CMIP: variants seen among roughly 807,000 people sequenced by gnomAD.
CMIP encodes c-Maf inducing protein.
CMIP carries 13 observed loss-of-function variants against 97.3 expected under a neutral mutation model. The ratio of observed to expected loss-of-function variants is 0.13; its 90% CI spans 0.09 to 0.21. The LOEUF is 0.21. CMIP is among the 10% of genes least tolerant of loss of function. The pLI, the probability that CMIP is intolerant of heterozygous loss-of-function variation, is 1.00. For missense variants in CMIP, 847 were observed against 1,024.9 expected, an observed-to-expected ratio of 0.83 and a Z score of 2.37; for synonymous variants, 538 against 436.3, an observed-to-expected ratio of 1.23 and a Z score of -2.91.
intron 1 of CMIP, among the ~76,000 whole-genome samples, chr16:81,457,956 C>T (rs747114871): frequency 2.0e-5 from 3 of 152,256 alleles, no homozygotes; most frequent in African/African-American, 2.4e-5. Context: ...ACCTCCCCCT[C>T]GCTGTCCCTG....
At chr16:81,519,618 C>G (rs977348799) in intron 1 of CMIP, 1 of 152,256 alleles carries the variant, frequency 6.6e-6, no homozygotes, top group African/African-American at 2.4e-5. Flanking sequence ...CTTGGCCAAC[C>G]ATTTAACCTC....
intron 1 of CMIP, chr16:81,476,006 A>G (rs1907890068): frequency 3.3e-6 from 2 of 599,194 alleles, no homozygotes; most frequent in Admixed American, 2.3e-5. Context: ...AAAAAAAGAT[A>G]AAACATAAGT....
Position 81,463,297 on chromosome 16 carries a change from G to T in CMIP, c.300+17756G>T, listed in dbSNP as rs12599890. 0.021 allele frequency among the ~76,000 whole-genome samples: 3,230 copies of T among 152,248 alleles called. 207 individuals carry two copies. The East Asian group carries it at 0.28, about 13-fold the overall frequency. On this transcript the variant is annotated intron_variant, in intron 1 of 20. Transcript: ENST00000537098. The stretch of plus-strand genomic sequence containing the variant: ...CTTTAGCCACACCCTAGAGCAAAAC[G>T]TCACTTAAATGACTAGAGAGGGACA...
At chr16:81,677,392 A>G (rs1034887208) in intron 9 of CMIP, among the ~76,000 whole-genome samples, 6 of 152,138 alleles carry the variant, frequency 3.9e-5, no homozygotes, top group African/African-American at 1.4e-4. Flanking sequence ...ATCACTGTTC[A>G]GTGATGTGTT....
chr16:81,470,960 ACACACATG>A (rs1339526058), intron 1 of CMIP, among the ~76,000 whole-genome samples: 1 of 152,252 alleles, frequency 6.6e-6, no homozygotes, highest in Non-Finnish European at 1.5e-5. Flanking sequence ...ACATATGCAT[ACACACATG>A]CACACAGGCA....
At chr16:81,599,370 A>G (rs960372205) in intron 1 of CMIP, among the ~76,000 whole-genome samples, 1 of 152,196 alleles carries the variant, frequency 6.6e-6, no homozygotes, top group Admixed American at 6.5e-5. Flanking sequence ...CGTTTGCTGT[A>G]TGACTTTCCG....
At chr16:81,466,072 T>C (rs1479756706) in intron 1 of CMIP, among the ~76,000 whole-genome samples, 4 of 152,162 alleles carry the variant, frequency 2.6e-5, no homozygotes, top group Non-Finnish European at 4.4e-5. Flanking sequence ...TTTTGTCTTA[T>C]TTTTTTGAGG....
chr16:81,650,304 A>C (rs961511602), intron 3 of CMIP, among the ~76,000 whole-genome samples: 2 of 152,190 alleles, frequency 1.3e-5, no homozygotes, highest in African/African-American at 4.8e-5. Flanking sequence ...GCCTATGAGA[A>C]GAGCTGATCT....
chr16:81,448,595 G>GCTTGC (rs1228894595), intron 1 of CMIP, among the ~76,000 whole-genome samples: 2 of 152,262 alleles, frequency 1.3e-5, no homozygotes, highest in African/African-American at 2.4e-5. Context: ...TCAGGTCGCA[G>GCTTGC]CTTGCCCTGC....
At chr16:81,500,026 T>C (rs768966835) in intron 1 of CMIP, among the ~76,000 whole-genome samples, 16 of 152,216 alleles carry the variant, frequency 1.1e-4, no homozygotes, top group Admixed American at 2.0e-4. Context: ...TCTCTCCTGA[T>C]GCAGAACATA....
At chr16:81,555,524 C>G (rs1205972293) in intron 1 of CMIP, among the ~76,000 whole-genome samples, 1 of 152,344 alleles carries the variant, frequency 6.6e-6, no homozygotes, top group East Asian at 1.9e-4. Flanking sequence ...GGTCTAAGGC[C>G]TCATTCCCAG....
chr16:81,627,764 T>A lies in CMIP; in HGVS notation c.477+6838T>A, dbSNP rs2092094250. Among the ~76,000 whole-genome samples, 1 of 152,152 alleles carries A rather than the reference T, an allele frequency of 6.6e-6. No homozygotes were observed. Among genetic ancestry groups the A allele is most frequent in the Admixed American group, 6.5e-5 (1 of 15,276 alleles). On this transcript the variant is annotated intron_variant, in intron 3 of 20. Coordinates refer to ENST00000537098, the MANE Select transcript of CMIP (RefSeq NM_198390.3). The surrounding 1 kb of genome is among the most constrained non-coding windows in gnomAD (Gnocchi z 4.6). ...AAGGACCGTGCCAAAGCCAGATGCC[T>A]CCCAGCGAGGGTCACAATCTCGCTT... is the stretch of plus-strand genomic sequence containing the variant.
At chr16:81,470,389 T>A (rs1907450944) in intron 1 of CMIP, among the ~76,000 whole-genome samples, 1 of 152,208 alleles carries the variant, frequency 6.6e-6, no homozygotes, top group Admixed American at 6.5e-5. Flanking sequence ...GCAGGGTGCT[T>A]TTCATGTCCT....
intron 1 of CMIP, among the ~76,000 whole-genome samples, chr16:81,488,177 T>C (rs2089349094): frequency 6.6e-6 from 1 of 152,208 alleles, no homozygotes; most frequent in African/African-American, 2.4e-5. Flanking sequence ...ATTGTTATGG[T>C]TCTGATTAGC....
chr16:81,533,240 C>T (rs2090275361), intron 1 of CMIP, among the ~76,000 whole-genome samples: 1 of 152,040 alleles, frequency 6.6e-6, no homozygotes. Flanking sequence ...CTGTTTTTTC[C>T]CCATGACTGT....
At chr16:81,617,751 C>A (rs192729418) in intron 2 of CMIP, among the ~76,000 whole-genome samples, 27 of 152,332 alleles carry the variant, frequency 1.8e-4, no homozygotes, top group Non-Finnish European at 8.8e-5. Flanking sequence ...GAAATAAGAC[C>A]CTGCCCTCAA....
At chr16:81,513,973 AC>A (rs2089861885) in intron 1 of CMIP, among the ~76,000 whole-genome samples, 1 of 152,024 alleles carries the variant, frequency 6.6e-6, no homozygotes. Flanking sequence ...TTGTGTTTTG[AC>A]CCCAAAACAG....
At chr16:81,487,653 A>G (rs1406542995) in intron 1 of CMIP, among the ~76,000 whole-genome samples, 1 of 152,232 alleles carries the variant, frequency 6.6e-6, no homozygotes, top group Non-Finnish European at 1.5e-5. Context: ...ACACTGGGCA[A>G]GTCACTTAAC....
rs62046561 is a variant in CMIP, at chr16:81,494,924, C to T, written c.300+49383C>T. The stretch of plus-strand genomic sequence containing the variant: ...AAGCCCGTGAGTTGGGCACCAGTAT[C>T]GCACTTTACAGATGAAGTCATTGAG... On this transcript the variant is annotated intron_variant, in intron 1 of 20. Transcript: ENST00000537098. 2.9e-3 allele frequency among the ~76,000 whole-genome samples: 435 copies of T among 152,298 alleles called. 3 individuals are homozygous for T. The highest frequency in any genetic ancestry group is 3.3e-3 in the Non-Finnish European group (225 of 68,018).
Sources: allele counts gnomAD v4.1 joint callset (sites outside exome capture counted in the v4.1 genomes callset), GRCh38; gene constraint gnomAD v4.1.1; non-coding constraint Gnocchi (gnomAD v3.1); transcripts MANE v1.5; gene names NCBI Gene and HGNC (gene_info 2026-07-23, HGNC 2026-07-21).